HEATR5A: variants seen among roughly 807,000 people sequenced by gnomAD.
HEATR5A encodes the protein HEAT repeat-containing protein 5A.
A neutral mutation model predicts 218.8 loss-of-function variants in HEATR5A; 178 were observed. The observed-to-expected ratio is 0.81, with a 90% CI of 0.72 to 0.92. The LOEUF is 0.92. Among genes scored for constraint, HEATR5A ranks in the 40% least tolerant of loss-of-function variants. HEATR5A has a pLI of 0.00. For synonymous variants in HEATR5A, 864 were observed against 871.6 expected, an observed-to-expected ratio of 0.99 and a Z score of 0.15; for missense variants, 2,420 against 2,418.9, an observed-to-expected ratio of 1.00 and a Z score of -0.01.
intron 1 of HEATR5A, among the ~76,000 whole-genome samples, chr14:31,409,831 T>C (rs549819417): frequency 1.2e-4 from 18 of 152,256 alleles, no homozygotes; most frequent in Non-Finnish European, 2.2e-4. Context: ...CTGATTATTC[T>C]GGTCCTGATA....
At chr14:31,375,729 A>G (rs1200517069) in intron 11 of HEATR5A, among the ~76,000 whole-genome samples, 1 of 152,212 alleles carries the variant, frequency 6.6e-6, no homozygotes, top group Non-Finnish European at 1.5e-5. Flanking sequence ...AACTTCTGAT[A>G]GCAACTTGTT....
chr14:31,410,025 C>A (rs901355763), intron 1 of HEATR5A, among the ~76,000 whole-genome samples: 1 of 152,098 alleles, frequency 6.6e-6, no homozygotes, highest in East Asian at 1.9e-4. Context: ...TCAAAGAGGA[C>A]ATTGGACATG....
At chr14:31,308,874 CAA>C (rs201340473) in intron 29 of HEATR5A, 58 bp downstream of exon 29, 417 of 1,186,488 alleles carry the variant, frequency 3.5e-4, no homozygotes, top group South Asian at 9.1e-4. Flanking sequence ...AACTCCATCT[CAA>C]AAAAAAAAAA....
In HEATR5A at chr14:31,386,530, G is replaced by A. The variant is rs1269281976; in HGVS notation, c.1235C>T (p.Thr412Ile). The A allele has an allele frequency of 1.2e-6, 2 of 1,602,476 alleles. No individual in the cohort carries two copies. The highest frequency in any genetic ancestry group is 1.7e-6 in the Non-Finnish European group (2 of 1,176,412). ...CATATGTTGGCTAGCGGCTACATCT[G>A]TGGAACCAAGCCGGGTTTCCAAATT... ...DGNLETRLGS[T>I]DVAASQHMLV... The change falls in exon 9 of 36, where the codon ACA becomes ATA. Residue 412 changes from threonine to isoleucine, a missense_variant. Coordinates refer to ENST00000543095, the MANE Select transcript of HEATR5A (RefSeq NM_015473.4).
rs755487878 is a variant in HEATR5A, at chr14:31,309,060, G to A, written c.4564C>T (p.Pro1522Ser). Residue 1522 changes from proline to serine, a missense_variant, in exon 29 of 36, where the codon CCA (proline) becomes TCA (serine). By Grantham distance (74) the Pro-to-Ser change is moderately conservative (BLOSUM62 -1). Coordinates refer to ENST00000543095, the MANE Select transcript of HEATR5A (RefSeq NM_015473.4). ...LTSTGFVVAD[P>S]DEGASNLSRP... ...GAGAGATTAGATGCTCCTTCATCTGGGTCAGCAACAACAAAACCCGTGCTT... is the reference window on the plus strand; with the variant it reads ...GAGAGATTAGATGCTCCTTCATCTGAGTCAGCAACAACAAAACCCGTGCTT... 6.2e-7 allele frequency: 1 copy of A among 1,613,866 alleles called. No homozygotes were observed. Among genetic ancestry groups the A allele is most frequent in the East Asian group, 2.2e-5 (1 of 44,874 alleles).
chr14:31,417,568 A>T (rs1490432643), intron 1 of HEATR5A, among the ~76,000 whole-genome samples: 1 of 151,466 alleles, frequency 6.6e-6, no homozygotes, highest in Non-Finnish European at 1.5e-5. Context: ...TGGGTGACAG[A>T]ACAAGACTCT....
Position 31,293,616 on chromosome 14 carries a change from G to C in HEATR5A, c.5834-4C>G. The C allele has an allele frequency of 6.3e-7, 1 of 1,590,808 alleles. No individual in the cohort carries two copies. The highest frequency in any genetic ancestry group is 8.5e-7 in the Non-Finnish European group (1 of 1,172,158). On this transcript the variant is annotated splice_polypyrimidine_tract_variant and splice_region_variant and intron_variant, in intron 35 of 35. Transcript: ENST00000543095. ...AGACAGGCCACCAGCTGAGCGCCTA[G>C]AAAGTAAACAAATAATATAAGTTCA...
intron 9 of HEATR5A, 127 bp downstream of exon 9, chr14:31,386,293 A>C: frequency 5.8e-6 from 4 of 689,368 alleles, no homozygotes; most frequent in South Asian, 5.2e-5. Context: ...CCTGATTATA[A>C]ATTTTTCATA....
intron 11 of HEATR5A, among the ~76,000 whole-genome samples, chr14:31,377,729 T>C (rs1018604440): frequency 6.6e-6 from 1 of 151,970 alleles, no homozygotes; most frequent in Admixed American, 6.6e-5. Context: ...CAGTGAATCA[T>C]GATCGTACCA....
chr14:31,369,608 CAAA>C (rs71430951), intron 13 of HEATR5A, among the ~76,000 whole-genome samples: 4 of 45,158 alleles, frequency 8.9e-5, no homozygotes, highest in South Asian at 1.8e-3. Context: ...AAAACTGTCT[CAAA>C]AAAAAAAAAA....
chr14:31,341,709 T>G (rs1420211595), intron 21 of HEATR5A, among the ~76,000 whole-genome samples: 1 of 152,206 alleles, frequency 6.6e-6, no homozygotes, highest in Admixed American at 6.5e-5. Context: ...GATCAGATTT[T>G]ATTCATCATG....
At chr14:31,378,480 CTT>C (rs1390007841) in intron 11 of HEATR5A, among the ~76,000 whole-genome samples, 2 of 152,142 alleles carry the variant, frequency 1.3e-5, no homozygotes, top group Non-Finnish European at 2.9e-5. Context: ...CAATAAATCT[CTT>C]TAATCATCTT....
At chr14:31,419,023 T>C (rs1341724822) in intron 1 of HEATR5A, among the ~76,000 whole-genome samples, 2 of 152,186 alleles carry the variant, frequency 1.3e-5, no homozygotes, top group East Asian at 1.9e-4. Context: ...TTTGGAGTCA[T>C]GTATTTTCTG....
Position 31,313,200 on chromosome 14 carries a change from G to A in HEATR5A, c.4219-10C>T, listed in dbSNP as rs1307160514. 1 of 1,589,788 alleles carries A rather than the reference G, an allele frequency of 6.3e-7. No individual in the cohort carries two copies. The highest frequency in any genetic ancestry group is 1.1e-5 in the South Asian group (1 of 88,424). On this transcript the variant is annotated splice_polypyrimidine_tract_variant and intron_variant, in intron 27 of 35. Transcript: ENST00000543095. ...CAGCAATTATGTAGACCTGTTAAAG[G>A]TTAATTTAAAAACAGGAAAATCTTT...
chr14:31,398,664 A>C lies in HEATR5A; in HGVS notation c.447+9T>G. ...TTTTCATTCTTTGGCTGAACTTGTA[A>C]TTACTTACCTCTGCACTCTTCATAG... On this transcript the variant is annotated intron_variant, in intron 4 of 35. Transcript: ENST00000543095. 1 of 1,393,266 alleles carries C rather than the reference A, an allele frequency of 7.2e-7. No homozygotes were observed. Among genetic ancestry groups the C allele is most frequent in the South Asian group, 1.3e-5 (1 of 78,678 alleles). 86.3% of individuals were successfully genotyped at this position (1,393,266 alleles called of 1,614,324 possible).
chr14:31,387,046 A>G (rs918942384), intron 8 of HEATR5A, 74 bp downstream of exon 8: 10 of 1,412,714 alleles, frequency 7.1e-6, no homozygotes, highest in Admixed American at 3.8e-5. Context: ...ATAGTATTAT[A>G]TATCAGTCTA....
At chr14:31,320,669 G>GC in intron 25 of HEATR5A, 1 of 554,776 alleles carries the variant, frequency 1.8e-6, no homozygotes, top group East Asian at 3.6e-5. Context: ...CTTGGTCTCA[G>GC]CACTCAGCTT....
At chr14:31,412,144 A>G (rs1370809116) in intron 1 of HEATR5A, among the ~76,000 whole-genome samples, 1 of 152,076 alleles carries the variant, frequency 6.6e-6, no homozygotes, top group Non-Finnish European at 1.5e-5. Flanking sequence ...GCGTTGAGTC[A>G]CTGCATGCAG....
intron 32 of HEATR5A, 97 bp from the exon 33 acceptor site, chr14:31,302,616 A>T (rs1899420941): frequency 5.1e-6 from 4 of 778,592 alleles, no homozygotes; most frequent in Non-Finnish European, 8.2e-6. Flanking sequence ...TCAGATTTTC[A>T]GTTTTTAAAA....
Sources: gnomAD v4.1 joint callset for allele counts (sites outside exome capture counted in the v4.1 genomes callset) on GRCh38, gnomAD v4.1.1 for gene constraint, MANE v1.5 for transcripts, NCBI Gene and HGNC (gene_info 2026-07-23, HGNC 2026-07-21) for gene names.